Variants in NUP153 observed in about 807,000 individuals in gnomAD.
NUP153 encodes nucleoporin 153.
Under a neutral mutation model 134.6 loss-of-function variants are expected in NUP153, and 27 were observed. The ratio of observed to expected loss-of-function variants is 0.20; its 90% CI spans 0.15 to 0.28. The LOEUF (loss-of-function observed/expected upper bound fraction) is 0.28. Among genes scored for constraint, NUP153 ranks in the 10% least tolerant of loss-of-function variants. The pLI is 1.00. For synonymous variants in NUP153, 640 were observed against 623.5 expected (o/e 1.03, Z -0.40); for missense variants, 1,821 against 1,731.3 (o/e 1.05, Z -0.92).
In NUP153 at chr6:17,674,857, T is replaced by TA. The variant is rs749881788; in HGVS notation, c.852+47dup. The TA allele has an allele frequency of 5.6e-4, 763 of 1,359,736 alleles. 2 individuals carry two copies. The highest frequency in any genetic ancestry group is 2.5e-3 in the South Asian group (159 of 63,552). The allele number at this position is 1,359,736 out of a possible 1,614,324, so 84.2% of individuals were successfully genotyped here. A position where few individuals can be genotyped will look rare whatever the true frequency, so the allele number is the denominator to read the frequency against. On this transcript the variant is annotated intron_variant, in intron 5 of 21. Coordinates refer to ENST00000262077, the MANE Select transcript of NUP153 (RefSeq NM_005124.4). ...AGTAATTTATTATCCAGTTAAAGTG[T>TA]AAAAAAAAAGAAAAAAAAAGATCAT...
intron 20 of NUP153, 112 bp from the exon 21 acceptor site, chr6:17,616,807 T>G (rs1200234010): frequency 3.5e-5 from 35 of 1,007,318 alleles, no homozygotes; most frequent in Non-Finnish European, 5.1e-5. Context: ...TGGAGTACAG[T>G]GGCACAATCT....
chr6:17,703,725 G>A (rs980550305), intron 1 of NUP153, among the ~76,000 whole-genome samples: 20 of 151,122 alleles, frequency 1.3e-4, no homozygotes, highest in African/African-American at 4.4e-4. Context: ...GGTAGTTTCT[G>A]CCAATATTAA....
chr6:17,692,799 C>T (rs570840884), intron 1 of NUP153, among the ~76,000 whole-genome samples: 1 of 152,126 alleles, frequency 6.6e-6, no homozygotes, highest in African/African-American at 2.4e-5. Context: ...CCTGTTTTAT[C>T]AAGCCCTCTG....
Position 17,632,846 on chromosome 6 carries a change from TAAAAAA to T in NUP153, c.2465-8_2465-3del. 6 of 864,468 alleles carry T rather than the reference TAAAAAA, an allele frequency of 6.9e-6. No homozygotes were observed. Among genetic ancestry groups the T allele is most frequent in the Admixed American group, 4.1e-5 (1 of 24,614 alleles). 53.5% of individuals were successfully genotyped at this position (864,468 alleles called of 1,614,324 possible). A position where few individuals can be genotyped will look rare whatever the true frequency, so the allele number is the denominator to read the frequency against. ...TACTTGAAGCAGGTACTGAACTTCCTAAAAAAAAAAAAAAAAACGGGGAGTGGGGGG... is the reference window on the plus strand; with the variant it reads ...TACTTGAAGCAGGTACTGAACTTCCTAAAAAAAAAAACGGGGAGTGGGGGG... On this transcript the variant is annotated splice_polypyrimidine_tract_variant and splice_region_variant and intron_variant, in intron 16 of 21. Transcript: ENST00000262077.
chr6:17,673,423 A>T (rs1326532304), intron 5 of NUP153, among the ~76,000 whole-genome samples: 7 of 152,236 alleles, frequency 4.6e-5, no homozygotes, highest in African/African-American at 1.7e-4. Flanking sequence ...GGGAGAAAAT[A>T]TTCGCAAAAC....
rs1769076303 is a variant in NUP153 at position 17,688,453 on chromosome 6, T to C, written c.277A>G (p.Ser93Gly). Reference sequence around the variant, plus strand: ...ATTCTCCCATCAGTAATATTAGAGCTCTCCTCATCGGCATATACCAGATGG... The same window carrying C: ...ATTCTCCCATCAGTAATATTAGAGCCCTCCTCATCGGCATATACCAGATGG... ...EDHLVYADEE[S>G]SNITDGRITP... Residue 93 changes from serine (S) to glycine (G), a missense_variant, in exon 2 of 22, where the codon AGC becomes GGC. Coordinates refer to ENST00000262077, the MANE Select transcript of NUP153 (RefSeq NM_005124.4). 1.2e-6 allele frequency: 2 copies of C among 1,614,146 alleles called. No individual in the cohort carries two copies. The highest frequency in any genetic ancestry group is 1.7e-6 in the Non-Finnish European group (2 of 1,180,026).
At chr6:17,683,810 G>A (rs1006843257) in intron 2 of NUP153, among the ~76,000 whole-genome samples, 33 of 152,186 alleles carry the variant, frequency 2.2e-4, no homozygotes, top group African/African-American at 6.3e-4. Context: ...TTCTTCCAAC[G>A]GCGGGCCATG....
intron 13 of NUP153, among the ~76,000 whole-genome samples, 174 bp from the exon 14 acceptor site, chr6:17,646,328 C>G (rs1766178107): frequency 6.6e-6 from 1 of 152,110 alleles, no homozygotes; most frequent in African/African-American, 2.4e-5. Context: ...CTGCCTCGGC[C>G]TCCCGAGCAG....
intron 14 of NUP153, among the ~76,000 whole-genome samples, chr6:17,642,539 C>G (rs1765890305): frequency 6.6e-6 from 1 of 152,164 alleles, no homozygotes; most frequent in Admixed American, 6.5e-5. Flanking sequence ...TTGCTATAGT[C>G]AAAAAAGAGA....
chr6:17,687,825 A>C (rs956069756), intron 2 of NUP153, among the ~76,000 whole-genome samples: 3 of 152,182 alleles, frequency 2.0e-5, no homozygotes, highest in Non-Finnish European at 4.4e-5. Context: ...GCTTTAAAGG[A>C]TAGGCTTGGC....
chr6:17,695,379 A>T (rs1461423547), intron 1 of NUP153, among the ~76,000 whole-genome samples: 2 of 152,186 alleles, frequency 1.3e-5, no homozygotes, highest in Non-Finnish European at 1.5e-5. Flanking sequence ...CTATACTGAA[A>T]CCATCAAAAA....
chr6:17,682,682 G>A (rs944222274), intron 2 of NUP153, among the ~76,000 whole-genome samples: 3 of 152,094 alleles, frequency 2.0e-5, no homozygotes, highest in South Asian at 2.1e-4. Context: ...ACTTCGGGAG[G>A]CTGAGGGGTG....
At chr6:17,687,576 G>A (rs1769010234) in intron 2 of NUP153, among the ~76,000 whole-genome samples, 1 of 152,160 alleles carries the variant, frequency 6.6e-6, no homozygotes, top group Admixed American at 6.5e-5. Context: ...CATTCTTTCA[G>A]GGCCATTTCA....
chr6:17,648,462 C>T (rs1283119372), intron 12 of NUP153, among the ~76,000 whole-genome samples: 6 of 151,938 alleles, frequency 3.9e-5, no homozygotes, highest in South Asian at 2.1e-4. Flanking sequence ...ACTAAAAATA[C>T]AAAAATTAGC....
rs1456706033 is a variant in NUP153, at chr6:17,624,622, G to C, written c.4113C>G (p.Pro1371=). The C allele has an allele frequency of 4.3e-6, 7 of 1,614,194 alleles. No homozygotes were observed. The highest frequency in any genetic ancestry group is 5.9e-6 in the Non-Finnish European group (7 of 1,180,034). ...TFGTVSSSSQ[P]PVFGQQPSQS... is the part of the protein sequence containing the mutation. ...GACTAGGTTGCTGTCCAAACACAGG[G>C]GGCTGGCTACTGCTTGACACTGTCC... is the stretch of plus-strand genomic sequence containing the variant. Residue 1371 remains proline, a synonymous_variant, in exon 20 of 22, where the codon CCC becomes CCG. Transcript: ENST00000262077.
intron 2 of NUP153, among the ~76,000 whole-genome samples, chr6:17,683,536 T>A (rs1175517139): frequency 7.2e-5 from 11 of 152,198 alleles, no homozygotes; most frequent in Admixed American, 3.9e-4. Context: ...AAGCAAGAGG[T>A]CTCAACAACT....
chr6:17,643,911 A>G (rs1425361344), intron 14 of NUP153, among the ~76,000 whole-genome samples: 4 of 152,228 alleles, frequency 2.6e-5, no homozygotes, highest in East Asian at 1.9e-4. Context: ...TTTCCTCATA[A>G]TAAGTCATGA....
chr6:17,619,975 G>C (rs1250719627), intron 20 of NUP153, among the ~76,000 whole-genome samples: 1 of 151,732 alleles, frequency 6.6e-6, no homozygotes, highest in Non-Finnish European at 1.5e-5. Context: ...GCACGCGCCT[G>C]TAATCCCAGC....
At chr6:17,643,095 G>A (rs1765939842) in intron 14 of NUP153, among the ~76,000 whole-genome samples, 1 of 152,188 alleles carries the variant, frequency 6.6e-6, no homozygotes, top group Non-Finnish European at 1.5e-5. Flanking sequence ...ATAAAAAGTG[G>A]TGGCTGCACA....
Sources: gnomAD v4.1 joint callset for allele counts (sites outside exome capture counted in the v4.1 genomes callset) on GRCh38, gnomAD v4.1.1 for gene constraint, MANE v1.5 for transcripts, NCBI Gene and HGNC (gene_info 2026-07-23, HGNC 2026-07-21) for gene names.